Variants in ECD observed in about 807,000 individuals in gnomAD.
ECD encodes the protein protein ecdysoneless homolog.
ECD carries 59 observed loss-of-function variants against 77.2 expected under a neutral mutation model. The ratio of observed to expected loss-of-function variants is 0.76; its 90% CI spans 0.62 to 0.95. The LOEUF is 0.95. Ranked by LOEUF, ECD falls within the 40% of genes least tolerant of loss-of-function variation. The pLI, the probability that ECD is intolerant of heterozygous loss-of-function variation, is 0.00. For missense variants in ECD, 704 were observed against 763.4 expected (o/e 0.92, Z 0.92); for synonymous variants, 233 against 267.4 (o/e 0.87, Z 1.26).
chr10:73,152,162 T>C, intron 7 of ECD, 131 bp downstream of exon 7: 1 of 1,158,508 alleles, frequency 8.6e-7, no homozygotes. Flanking sequence ...TCATTCTAAT[T>C]TGAAATGCCA....
At chr10:73,149,614 A>G (rs952246467) in intron 7 of ECD, among the ~76,000 whole-genome samples, 1 of 152,214 alleles carries the variant, frequency 6.6e-6, no homozygotes, top group African/African-American at 2.4e-5. Flanking sequence ...ATGCTAATGT[A>G]AGTATTCTGA....
Position 73,154,428 on chromosome 10 carries a change from G to C in ECD, c.611C>G (p.Ala204Gly), listed in dbSNP as rs137944633. 4.3e-6 allele frequency: 7 copies of C among 1,609,246 alleles called. No individual in the cohort carries two copies. The highest frequency in any genetic ancestry group is 5.1e-6 in the Non-Finnish European group (6 of 1,178,518). Residue 204 changes from alanine (A) to glycine (G), a missense_variant, in exon 6 of 14, where the codon GCC (alanine) becomes GGC (glycine). Ala to Gly is a moderately conservative substitution (Grantham distance 60). Around this residue, in one of 3 missense-constraint regions of ECD, gnomAD observed 559 missense variants for 583.7 expected, o/e 0.96. Coordinates refer to ENST00000372979, the MANE Select transcript of ECD (RefSeq NM_007265.3). ...RIRGYPEKIQ[A>G]SLHRAHCFLP... ...GAAGCAGTGTGCTCGATGAAGTGAGGCCTGAATTTTTTCTGGGTACCTGGG... is the reference window on the plus strand; with the variant it reads ...GAAGCAGTGTGCTCGATGAAGTGAGCCCTGAATTTTTTCTGGGTACCTGGG...
intron 9 of ECD, 55 bp from the exon 10 acceptor site, chr10:73,139,792 TC>T (rs1843028642): frequency 1.7e-6 from 2 of 1,202,660 alleles, no homozygotes; most frequent in Non-Finnish European, 2.4e-6. Flanking sequence ...AGAATAGTAA[TC>T]ATAAATACAT....
At position 73,148,339 on chromosome 10, in the gene ECD, A is replaced by AAGGGATTTC; in HGVS notation, c.969_977dup (p.Lys324_Leu326dup). 6.2e-7 allele frequency: 1 copy of AAGGGATTTC among 1,613,986 alleles called. No homozygotes were observed. ...TGGCCCAGAGTGGTGAGGCAGTCAC[A>AAGGGATTTC]AGGGATTTCTTGCAGTCAGAAAAAT... is the stretch of plus-strand genomic sequence containing the variant. On this transcript the variant is annotated inframe_insertion, in exon 8 of 14. Transcript: ENST00000372979.
intron 13 of ECD, among the ~76,000 whole-genome samples, chr10:73,135,406 C>T (rs117748110): frequency 5.3e-4 from 81 of 152,214 alleles, no homozygotes; most frequent in Admixed American, 9.2e-4. Context: ...GAGTCTCCAT[C>T]GCTTGGGGCT....
intron 8 of ECD, among the ~76,000 whole-genome samples, 158 bp downstream of exon 8, chr10:73,148,118 T>G (rs1843151918): frequency 6.6e-6 from 1 of 152,218 alleles, no homozygotes; most frequent in Non-Finnish European, 1.5e-5. Context: ...AGATACCTCC[T>G]TCATTAGCAC....
chr10:73,156,652 A>G lies in ECD; in HGVS notation c.327T>C (p.Ile109=), dbSNP rs1332321028. 1 of 1,613,062 alleles carries G rather than the reference A, an allele frequency of 6.2e-7. No individual in the cohort carries two copies. Among genetic ancestry groups the G allele is most frequent in the African/African-American group, 1.3e-5 (1 of 74,926 alleles). The change falls in exon 4 of 14, where the codon ATT becomes ATC. Residue 109 remains isoleucine (I), a synonymous_variant. Coordinates refer to ENST00000372979, the MANE Select transcript of ECD (RefSeq NM_007265.3). ...TKEFPELVAR[I]EDNDGEFLLI... ...ACAAGAATTCACCATCATTGTCTTC[A>G]ATCCTAATGCAAGAAAATTTCCAAT... is the stretch of plus-strand genomic sequence containing the variant.
At position 73,147,019 on chromosome 10, in the gene ECD, C is replaced by G. The variant is rs565292981; in HGVS notation, c.1042-658G>C. Among the ~76,000 whole-genome samples, 55 of 152,110 alleles carry G rather than the reference C, an allele frequency of 3.6e-4. No individual in the cohort carries two copies. The South Asian group carries it at 0.01, about 28-fold the overall frequency. On this transcript the variant is annotated intron_variant, in intron 8 of 13. Coordinates refer to ENST00000372979, the MANE Select transcript of ECD (RefSeq NM_007265.3). ...TTGGGAAGCAGAGGTGGGAGGGTCACTTGAGGACATGAGTTTGAGACCAGC... is the reference window on the plus strand; with the variant it reads ...TTGGGAAGCAGAGGTGGGAGGGTCAGTTGAGGACATGAGTTTGAGACCAGC...
At chr10:73,153,858 A>G (rs369328926) in intron 6 of ECD, among the ~76,000 whole-genome samples, 10 of 152,136 alleles carry the variant, frequency 6.6e-5, no homozygotes, top group African/African-American at 2.2e-4. Flanking sequence ...GTGCAAGAAA[A>G]GAAAAAACGT....
intron 3 of ECD, among the ~76,000 whole-genome samples, chr10:73,159,567 C>G (rs1843346864): frequency 6.6e-6 from 1 of 150,650 alleles, no homozygotes; most frequent in Non-Finnish European, 1.5e-5. Flanking sequence ...ATAATTAGAA[C>G]TTTAAAAAGA....
chr10:73,137,057 A>T (rs1842983673), intron 12 of ECD, 139 bp from the exon 13 acceptor site: 1 of 377,082 alleles, frequency 2.7e-6, no homozygotes, highest in Admixed American at 5.0e-5. Context: ...CAGTCAGTCT[A>T]CTTCACAAAA....
intron 9 of ECD, 110 bp from the exon 10 acceptor site, chr10:73,139,847 G>GT (rs199551005): frequency 0.053 from 26,350 of 498,808 alleles, 1,147 homozygotes; most frequent in East Asian, 0.16. Context: ...AATTTGGGGA[G>GT]TGTTTTTTTT....
In ECD at chr10:73,156,335, T is replaced by C. The variant is rs1424395206; in HGVS notation, c.530A>G (p.His177Arg). The change falls in exon 5 of 14, where the codon CAT (histidine) becomes CGT (arginine). Residue 177 changes from histidine to arginine, a missense_variant. Transcript: ENST00000372979. ...IPQALNIITA[H>R]SEKILASESI... The stretch of plus-strand genomic sequence containing the variant: ...TTCTGAAGCAAGTATTTTTTCTGAA[T>C]GTGCTGTGATTATATTCAATGCTTG... The C allele has an allele frequency of 1.2e-6, 2 of 1,612,950 alleles. No individual in the cohort carries two copies. Among genetic ancestry groups the C allele is most frequent in the Admixed American group, 1.7e-5 (1 of 59,718 alleles).
intron 3 of ECD, among the ~76,000 whole-genome samples, chr10:73,159,115 T>C (rs1843341182): frequency 6.6e-6 from 1 of 152,206 alleles, no homozygotes; most frequent in Admixed American, 6.5e-5. Context: ...TAATAAGTTT[T>C]CAAAGGTTTT....
At chr10:73,151,309 A>C (rs1197781485) in intron 7 of ECD, among the ~76,000 whole-genome samples, 1 of 144,680 alleles carries the variant, frequency 6.9e-6, no homozygotes, top group Non-Finnish European at 1.5e-5. Flanking sequence ...TCTCACTCAT[A>C]GGTGGGGAAT....
In ECD at chr10:73,157,676, C is replaced by T. The variant is rs376381839; in HGVS notation, c.324-1021G>A. 1.1e-4 allele frequency among the ~76,000 whole-genome samples: 16 copies of T among 151,092 alleles called. No individual in the cohort carries two copies. In the East Asian group the frequency reaches 2.2e-3, roughly 21 times the overall value. On this transcript the variant is annotated intron_variant, in intron 3 of 13. Coordinates refer to ENST00000372979, the MANE Select transcript of ECD (RefSeq NM_007265.3). ...GGCAGAGGTTGCGGTGAGCCGAGAT[C>T]GCACCATTGCATTCCAGCCTGGGCA...
intron 6 of ECD, among the ~76,000 whole-genome samples, chr10:73,153,725 C>CAAAAAA (rs201711578): frequency 2.4e-5 from 1 of 41,332 alleles, no homozygotes; most frequent in Non-Finnish European, 6.1e-5. Flanking sequence ...GACTCTGTCT[C>CAAAAAA]AAAAAAAAAA....
At chr10:73,163,080 T>A (rs1843402308) in intron 2 of ECD, among the ~76,000 whole-genome samples, 1 of 152,198 alleles carries the variant, frequency 6.6e-6, no homozygotes, top group Non-Finnish European at 1.5e-5. Flanking sequence ...AATAAACTCA[T>A]CTACTTGCCA....
intron 5 of ECD, among the ~76,000 whole-genome samples, chr10:73,155,213 C>A (rs972366317): frequency 6.6e-6 from 1 of 151,822 alleles, no homozygotes; most frequent in Admixed American, 6.6e-5. Context: ...ACTACAGGGG[C>A]CTGCCACCAC....
Sources: allele counts gnomAD v4.1 joint callset (sites outside exome capture counted in the v4.1 genomes callset), GRCh38; gene constraint gnomAD v4.1.1; regional missense constraint gnomAD v4.1.1; transcripts MANE v1.5; gene names NCBI Gene and HGNC (gene_info 2026-07-23, HGNC 2026-07-21).